FAM186A: variants seen among roughly 807,000 people sequenced by gnomAD.
FAM186A encodes protein FAM186A.
Under a neutral mutation model 216.8 loss-of-function variants are expected in FAM186A, and 163 were observed. The ratio of observed to expected loss-of-function variants is 0.75; its 90% CI spans 0.66 to 0.86. FAM186A has a LOEUF of 0.86. FAM186A is among the 40% of genes least tolerant of loss of function. FAM186A has a pLI of 0.00. For missense variants in FAM186A, 2,184 were observed against 2,746.2 expected, an observed-to-expected ratio of 0.80 and a Z score of 4.58; for synonymous variants, 805 against 1,025.3, an observed-to-expected ratio of 0.79 and a Z score of 4.10.
Position 50,363,239 on chromosome 12 carries a change from T to C in FAM186A, c.318A>G (p.Arg106=), listed in dbSNP as rs1943054196. The change falls in exon 2 of 8, where the codon AGA becomes AGG. Residue 106 remains arginine (R), a synonymous_variant. Coordinates refer to ENST00000327337, the MANE Select transcript of FAM186A (RefSeq NM_001145475.3). ...TAGCCATTTTCTCAAGAAAATTGGT[T>C]CTCTGTTTTTTCTTATGTTCTGTAA... is the stretch of plus-strand genomic sequence containing the variant. The part of the protein sequence containing the change: ...VSLTEHKKKQ[R]TNFLEKMATY... The C allele has an allele frequency of 6.4e-7, 1 of 1,551,516 alleles. No homozygotes were observed. Among genetic ancestry groups the C allele is most frequent in the Non-Finnish European group, 8.7e-7 (1 of 1,146,984 alleles).
intron 1 of FAM186A, among the ~76,000 whole-genome samples, chr12:50,395,150 G>C (rs1456018248): frequency 1.3e-5 from 2 of 152,182 alleles, no homozygotes; most frequent in African/African-American, 2.4e-5. Context: ...GCTGAGTGGG[G>C]TGCAGTAGTG....
At chr12:50,342,900 T>C (rs189414473) in intron 4 of FAM186A, among the ~76,000 whole-genome samples, 2 of 151,094 alleles carry the variant, frequency 1.3e-5, no homozygotes, top group African/African-American at 4.9e-5. Flanking sequence ...GTTTTCCAAA[T>C]AGCTGGGACT....
intron 4 of FAM186A, among the ~76,000 whole-genome samples, chr12:50,347,228 T>A (rs184832285): frequency 4.6e-5 from 7 of 152,248 alleles, no homozygotes; most frequent in African/African-American, 1.7e-4. Flanking sequence ...ACCTTGAACA[T>A]TGTGGGTTAC....
At chr12:50,391,892 T>C (rs1049980693) in intron 1 of FAM186A, among the ~76,000 whole-genome samples, 1 of 152,164 alleles carries the variant, frequency 6.6e-6, no homozygotes, top group Non-Finnish European at 1.5e-5. Flanking sequence ...TGAATGTTTA[T>C]AGCAGCTTAT....
At chr12:50,343,561 T>C (rs1331457611) in intron 4 of FAM186A, among the ~76,000 whole-genome samples, 3 of 151,934 alleles carry the variant, frequency 2.0e-5, no homozygotes, top group Admixed American at 1.3e-4. Context: ...CTCAGCTTCC[T>C]GAGTAGCTGG....
At chr12:50,386,689 G>A (rs773208889) in intron 1 of FAM186A, among the ~76,000 whole-genome samples, 5 of 151,556 alleles carry the variant, frequency 3.3e-5, no homozygotes, top group East Asian at 1.9e-4. Flanking sequence ...GTGAAACCCC[G>A]TCTCTGCTAA....
In FAM186A at chr12:50,357,516, A is replaced by AG. The variant is rs148904185; in HGVS notation, c.584-1269_584-1268insC. On this transcript the variant is annotated intron_variant, in intron 3 of 7. Transcript: ENST00000327337. ...ACTCTGTCTGAAAAAAAAAAAAAAA[A>AG]AAGACACACATTTGAAAAGATTTGC... is the stretch of plus-strand genomic sequence containing the variant. Among the ~76,000 whole-genome samples, 940 of 142,410 alleles carry AG rather than the reference A, an allele frequency of 6.6e-3. 22 individuals are homozygous for AG. The highest frequency in any genetic ancestry group is 0.011 in the Non-Finnish European group (697 of 66,166). 93.4% of individuals were successfully genotyped at this position (142,410 alleles called of 152,430 possible).
intron 1 of FAM186A, among the ~76,000 whole-genome samples, chr12:50,373,989 A>G (rs1943173369): frequency 1.3e-5 from 2 of 152,020 alleles, no homozygotes; most frequent in Non-Finnish European, 2.9e-5. Flanking sequence ...TGATGAGTTC[A>G]TGTCCTTTAT....
Position 50,354,366 on chromosome 12 carries a change from C to T in FAM186A, c.2466G>A (p.Arg822=), listed in dbSNP as rs1374815465. The change falls in exon 4 of 8, where the codon AGG becomes AGA. Residue 822 remains arginine (R), a synonymous_variant. Coordinates refer to ENST00000327337, the MANE Select transcript of FAM186A (RefSeq NM_001145475.3). Reference sequence around the variant, plus strand: ...GACCCTCTTGCAAATATTGCTCCTGCCTTTGTTTTTCCTTCTCCTTGTGGT... The same window carrying T: ...GACCCTCTTGCAAATATTGCTCCTGTCTTTGTTTTTCCTTCTCCTTGTGGT... ...QKDHKEKEKQ[R]QEQYLQEGQE... is the part of the protein sequence containing the mutation. 5.2e-6 allele frequency: 8 copies of T among 1,551,452 alleles called. No homozygotes were observed. The South Asian group carries it at 9.5e-5, about 18-fold the overall frequency.
intron 4 of FAM186A, among the ~76,000 whole-genome samples, chr12:50,335,994 G>A (rs1188677291): frequency 6.6e-6 from 1 of 151,326 alleles, no homozygotes. Context: ...GTGTGATGGC[G>A]GGCGCCTATA....
chr12:50,394,246 G>T (rs973484755), intron 1 of FAM186A, among the ~76,000 whole-genome samples: 67 of 151,892 alleles, frequency 4.4e-4, no homozygotes, highest in Non-Finnish European at 3.5e-4. Context: ...TTTTGTTTTT[G>T]TTTTTGTTTT....
chr12:50,347,836 C>T (rs1457590140), intron 4 of FAM186A, among the ~76,000 whole-genome samples: 3 of 152,102 alleles, frequency 2.0e-5, no homozygotes, highest in African/African-American at 4.8e-5. Flanking sequence ...CAGGTCACCC[C>T]AACAGCAAAT....
rs564119472 is a variant in FAM186A, at chr12:50,355,869, T to G, written c.963A>C (p.Gln321His). 245 of 1,551,348 alleles carry G rather than the reference T, an allele frequency of 1.6e-4. 3 individuals carry two copies. In the South Asian group the frequency reaches 2.8e-3, roughly 18 times the overall value. ...GTTGTTCACATTTTTCTTCTGCATC[T>G]TGAAGTTTCTGCTGAAGCATTTCAT... ...NENEMLQQKL[Q>H]DAEEKCEQLI... The change falls in exon 4 of 8, where the codon CAA becomes CAC. Residue 321 changes from glutamine (Q) to histidine (H), a missense_variant. Gln to His is a conservative substitution (Grantham distance 24). This residue lies in a region of FAM186A where 1,132 missense variants were observed against 1,263.4 expected (regional missense o/e 0.90). Coordinates refer to ENST00000327337, the MANE Select transcript of FAM186A (RefSeq NM_001145475.3).
intron 1 of FAM186A, among the ~76,000 whole-genome samples, chr12:50,394,389 A>G (rs1426696271): frequency 6.6e-6 from 1 of 151,964 alleles, no homozygotes; most frequent in Non-Finnish European, 1.5e-5. Flanking sequence ...TGTCCCTACT[A>G]AAAATACAAA....
chr12:50,370,516 G>A (rs1438201549), intron 1 of FAM186A, among the ~76,000 whole-genome samples: 1 of 152,090 alleles, frequency 6.6e-6, no homozygotes, highest in East Asian at 1.9e-4. Flanking sequence ...TGTGGGTGAG[G>A]CTGTGCAAAA....
chr12:50,351,344 C>T lies in FAM186A; in HGVS notation c.5488G>A (p.Ala1830Thr). The change falls in exon 4 of 8, where the codon GCC becomes ACC. Residue 1830 changes from alanine to threonine, a missense_variant. Physicochemically the swap from Ala to Thr is moderately conservative, Grantham distance 58. This residue lies in a region of FAM186A where 721 missense variants were observed against 816.4 expected (regional missense o/e 0.88). Transcript: ENST00000327337. ...AAGGGCTGCCCTGGAGTGGGAGGGG[C>T]CCGAGATATTGGGAGCTGCCCAGGG... The part of the protein sequence containing the change: ...PSPGQLPISR[A>T]PPTPGQPFIA... 6.7e-7 allele frequency: 1 copy of T among 1,488,520 alleles called. No individual in the cohort carries two copies. The highest frequency in any genetic ancestry group is 8.9e-7 in the Non-Finnish European group (1 of 1,121,402). The allele number at this position is 1,488,520 out of a possible 1,614,324, so 92.2% of individuals were successfully genotyped here.
In FAM186A at chr12:50,355,177, C is replaced by G; in HGVS notation, c.1655G>C (p.Arg552Pro). ...MMLEQFRKVK[R>P]ESPFDKRPTA... ...TGGACGTTTGTCAAATGGAGATTCA[C>G]GTTTGACCTTCCTAAATTGCTCCAA... Residue 552 changes from arginine to proline, a missense_variant, in exon 4 of 8, where the codon CGT becomes CCT. Arg to Pro is a moderately radical substitution (Grantham distance 103). This residue lies in a region of FAM186A where 1,132 missense variants were observed against 1,263.4 expected (regional missense o/e 0.90). Transcript: ENST00000327337. 1 of 1,551,684 alleles carries G rather than the reference C, an allele frequency of 6.4e-7. No individual in the cohort carries two copies.
chr12:50,358,124 GTTC>G (rs1942996418), intron 3 of FAM186A, among the ~76,000 whole-genome samples: 1 of 151,928 alleles, frequency 6.6e-6, no homozygotes, highest in Non-Finnish European at 1.5e-5. Flanking sequence ...AGTGATACGA[GTTC>G]TTAGTACAAT....
chr12:50,392,498 C>T (rs1016392853), intron 1 of FAM186A: 1 of 152,050 alleles, frequency 6.6e-6, no homozygotes, highest in African/African-American at 2.4e-5. Context: ...CCAGGATGGT[C>T]TCGATCTCCT....
Sources: allele counts gnomAD v4.1 joint callset (sites outside exome capture counted in the v4.1 genomes callset), GRCh38; gene constraint gnomAD v4.1.1; regional missense constraint gnomAD v4.1.1; transcripts MANE v1.5; gene names NCBI Gene and HGNC (gene_info 2026-07-23, HGNC 2026-07-21).